Variants in CDC42SE1 observed in about 807,000 individuals in gnomAD.
CDC42SE1 encodes CDC42 small effector protein 1.
In CDC42SE1, 10 loss-of-function variants were observed where a neutral mutation model predicts 10.9. The observed-to-expected ratio is 0.92, with a 90% confidence interval of 0.57 to 1.56. CDC42SE1 has a LOEUF of 1.56. CDC42SE1 is among the 40% of genes most tolerant of loss of function. The probability of loss-of-function intolerance (pLI) is 0.00; values close to 1 mark genes in which losing one functional copy is unlikely to be tolerated. For synonymous variants in CDC42SE1, 24 were observed against 32.0 expected, an observed-to-expected ratio of 0.75 and a Z score of 0.85; for missense variants, 81 against 100.8, an observed-to-expected ratio of 0.80 and a Z score of 0.84.
rs1375213035 is a variant in CDC42SE1, at chr1:151,052,571, A to T, written c.*773T>A. On this transcript the variant is annotated 3_prime_UTR_variant, in exon 5 of 5. Transcript: ENST00000357235. ...ATGGAATGTCATCAGGTGAAGAGCT[A>T]CCTCTTACCTTAACTCTTATTCGGT... 1 of 152,622 alleles carries T rather than the reference A, an allele frequency of 6.6e-6. No homozygotes were observed. The highest frequency in any genetic ancestry group is 2.1e-4 in the South Asian group (1 of 4,834). The allele number at this position is 152,622 out of a possible 1,614,324, so 9.5% of individuals were successfully genotyped here.
At position 151,055,855 on chromosome 1, in the gene CDC42SE1, T is replaced by C; in HGVS notation, c.-125A>G. 1 of 786,720 alleles carries C rather than the reference T, an allele frequency of 1.3e-6. No homozygotes were observed. 48.7% of individuals were successfully genotyped at this position (786,720 alleles called of 1,614,324 possible). On this transcript the variant is annotated 5_prime_UTR_variant, in exon 2 of 5. Transcript: ENST00000357235. ...ACCACCCTGGGTTCACTCAGCTGGA[T>C]GGGTCCAGACAAAGTGGAATCCCTG...
chr1:151,054,110 C>T, intron 4 of CDC42SE1, 121 bp downstream of exon 4: 2 of 715,122 alleles, frequency 2.8e-6, no homozygotes, highest in Non-Finnish European at 4.9e-6. Flanking sequence ...GGATTACAGG[C>T]ATAAGCCACC....
intron 4 of CDC42SE1, among the ~76,000 whole-genome samples, 192 bp from the exon 5 acceptor site, chr1:151,053,519 T>C (rs1197056794): frequency 6.6e-6 from 1 of 152,144 alleles, no homozygotes; most frequent in Non-Finnish European, 1.5e-5. Context: ...TCTCACTCTG[T>C]TGCCCAGGCT....
At chr1:151,058,739 A>T in intron 1 of CDC42SE1, 1 of 151,132 alleles carries the variant, frequency 6.6e-6, no homozygotes, top group East Asian at 1.9e-4. Context: ...AAGGGATGGG[A>T]AAGAGGTGCC....
intron 2 of CDC42SE1, chr1:151,055,357 G>C: frequency 1.7e-6 from 1 of 588,544 alleles, no homozygotes; most frequent in Non-Finnish European, 3.0e-6. Context: ...GTGAACACTG[G>C]ACAAAGAAAG....
intron 1 of CDC42SE1, among the ~76,000 whole-genome samples, chr1:151,056,274 A>G (rs1676276365): frequency 6.6e-6 from 1 of 152,148 alleles, no homozygotes; most frequent in South Asian, 2.1e-4. Context: ...GCGAGGACCA[A>G]AGGATAGTGG....
At chr1:151,056,033 T>C (rs1676271473) in intron 1 of CDC42SE1, 40 bp from the exon 2 acceptor site, 2 of 427,760 alleles carry the variant, frequency 4.7e-6, no homozygotes, top group Non-Finnish European at 8.6e-6. Context: ...CAGTGAGAAA[T>C]CTCCCCCTCC....
At chr1:151,054,541 A>G (rs1676244173) in intron 3 of CDC42SE1, among the ~76,000 whole-genome samples, 2 of 152,144 alleles carry the variant, frequency 1.3e-5, no homozygotes, top group African/African-American at 2.4e-5. Flanking sequence ...TTCCCTCACA[A>G]TGGATTCTCC....
Position 151,052,984 on chromosome 1 carries a change from T to G in CDC42SE1, c.*360A>C, listed in dbSNP as rs1276767355. ...CTACCCCATTTAAGGAGTTCCAGGT[T>G]TAAGAGTTTAAAAACAGGTGGCACC... On this transcript the variant is annotated 3_prime_UTR_variant, in exon 5 of 5. Coordinates refer to ENST00000357235, the MANE Select transcript of CDC42SE1 (RefSeq NM_020239.4). 1.3e-5 allele frequency: 2 copies of G among 152,388 alleles called. No homozygotes were observed. Among genetic ancestry groups the G allele is most frequent in the African/African-American group, 2.4e-5 (1 of 41,440 alleles). The allele number at this position is 152,388 out of a possible 1,614,324, so 9.4% of individuals were successfully genotyped here. A position where few individuals can be genotyped will look rare whatever the true frequency, so the allele number is the denominator to read the frequency against.
chr1:151,056,808 A>G (rs949132479), intron 1 of CDC42SE1: 1 of 152,288 alleles, frequency 6.6e-6, no homozygotes, highest in Non-Finnish European at 1.5e-5. Context: ...TTGTGGGTAC[A>G]TGTGCCAGGT....
rs113707185 is a variant in CDC42SE1, at chr1:151,053,118, TC to T, written c.*225del. On this transcript the variant is annotated 3_prime_UTR_variant, in exon 5 of 5. Coordinates refer to ENST00000357235, the MANE Select transcript of CDC42SE1 (RefSeq NM_020239.4). ...CTGAGCTCCTCTGGCTAACCAGTAG[TC>T]ACTTGATCAGTCCTGCTGCCTTGAC... The T allele has an allele frequency of 0.019, 2,895 of 152,736 alleles. 77 individuals carry two copies. The highest frequency in any genetic ancestry group is 0.066 in the African/African-American group (2,721 of 41,500). 9.5% of individuals were successfully genotyped at this position (152,736 alleles called of 1,614,324 possible).
In CDC42SE1 at chr1:151,057,163, G is replaced by C. The variant is rs1488936400; in HGVS notation, c.-263-1170C>G. ...TTTCATAAATATGACACTTTAACAT[G>C]AACAGGAATCTCCCTTTCTTGCAGG... On this transcript the variant is annotated intron_variant, in intron 1 of 4. Transcript: ENST00000357235. This position sits in a 1 kb window ranked among gnomAD's most constrained non-coding sequence, Gnocchi z 4.0. Among the ~76,000 whole-genome samples the C allele has an allele frequency of 1.3e-5, 2 of 152,160 alleles. No individual in the cohort carries two copies. The highest frequency in any genetic ancestry group is 2.9e-5 in the Non-Finnish European group (2 of 68,026).
In CDC42SE1 at chr1:151,054,920, T is replaced by C. The variant is rs1349259046; in HGVS notation, c.165+96A>G. The stretch of plus-strand genomic sequence containing the variant: ...AGAATCCCAGGTTTTTACTTCCCCA[T>C]TGAGTATTTTCATATGTCCCTAGCT... On this transcript the variant is annotated intron_variant, in intron 3 of 4. Coordinates refer to ENST00000357235, the MANE Select transcript of CDC42SE1 (RefSeq NM_020239.4). 13 of 888,524 alleles carry C rather than the reference T, an allele frequency of 1.5e-5. 1 individual carries two copies. In the Admixed American group the frequency reaches 1.7e-4, roughly 11 times the overall value. The allele number at this position is 888,524 out of a possible 1,614,324, so 55.0% of individuals were successfully genotyped here.
chr1:151,054,867 C>CG, intron 3 of CDC42SE1, 149 bp downstream of exon 3: 1 of 612,308 alleles, frequency 1.6e-6, no homozygotes, highest in African/African-American at 1.8e-5. Context: ...TGCCAGGTCT[C>CG]GGGTTTCCAC....
intron 2 of CDC42SE1, 148 bp downstream of exon 2, chr1:151,055,529 A>T: frequency 1.4e-6 from 1 of 705,348 alleles, no homozygotes; most frequent in South Asian, 1.6e-5. Flanking sequence ...TGTTCCACAT[A>T]TACAGCTGCC....
In CDC42SE1 at chr1:151,057,726, CACACACACACACAG is replaced by C. The variant is rs1369152423; in HGVS notation, c.-264+1739_-263-1734del. 1 of 143,508 alleles carries C rather than the reference CACACACACACACAG, an allele frequency of 7.0e-6. No homozygotes were observed. Among genetic ancestry groups the C allele is most frequent in the African/African-American group, 2.6e-5 (1 of 38,674 alleles). 8.9% of individuals were successfully genotyped at this position (143,508 alleles called of 1,614,324 possible). A position where few individuals can be genotyped will look rare whatever the true frequency, so the allele number is the denominator to read the frequency against. ...ACACACACACACACACACACACACACACACACACACACAGAGGTTTTTTTTTTTTTTAACAGCCT... is the reference window on the plus strand; with the variant it reads ...ACACACACACACACACACACACACACAGGTTTTTTTTTTTTTTAACAGCCT... On this transcript the variant is annotated intron_variant, in intron 1 of 4. Transcript: ENST00000357235. The surrounding 1 kb of genome is among the most constrained non-coding windows in gnomAD (Gnocchi z 4.0).
At position 151,051,734 on chromosome 1, in the gene CDC42SE1, C is replaced by G. The variant is rs1676186568; in HGVS notation, c.*1610G>C. ...CAGCCAGGGGGCAGTGGGACCTGGT[C>G]TTCAGACAAAACTCCCTGAGTCTAA... is the stretch of plus-strand genomic sequence containing the variant. On this transcript the variant is annotated 3_prime_UTR_variant, in exon 5 of 5. Transcript: ENST00000357235. 1.3e-5 allele frequency: 2 copies of G among 152,606 alleles called. No homozygotes were observed. The highest frequency in any genetic ancestry group is 1.3e-4 in the Admixed American group (2 of 15,268). The allele number at this position is 152,606 out of a possible 1,614,324, so 9.5% of individuals were successfully genotyped here.
rs987376377 is a variant in CDC42SE1 at position 151,057,508 on chromosome 1, C to T, written c.-263-1515G>A. 7.9e-5 allele frequency among the ~76,000 whole-genome samples: 12 copies of T among 151,594 alleles called. No homozygotes were observed. The highest frequency in any genetic ancestry group is 3.2e-3 in the Middle Eastern group (1 of 316). ...AGCCTGGGCAACAAGAGCGAAACTCCGCCTCAAAAAAAACACACACAAAAA... is the reference window on the plus strand; with the variant it reads ...AGCCTGGGCAACAAGAGCGAAACTCTGCCTCAAAAAAAACACACACAAAAA... On this transcript the variant is annotated intron_variant, in intron 1 of 4. Coordinates refer to ENST00000357235, the MANE Select transcript of CDC42SE1 (RefSeq NM_020239.4). The surrounding 1 kb of genome is among the most constrained non-coding windows in gnomAD (Gnocchi z 4.0).
intron 3 of CDC42SE1, among the ~76,000 whole-genome samples, chr1:151,054,692 T>C (rs1329166424): frequency 6.6e-6 from 1 of 152,212 alleles, no homozygotes; most frequent in Non-Finnish European, 1.5e-5. Context: ...CCTAAATATA[T>C]GATTTACTGT....
Sources: gnomAD v4.1 joint callset for allele counts (sites outside exome capture counted in the v4.1 genomes callset) on GRCh38, gnomAD v4.1.1 for gene constraint, Gnocchi (gnomAD v3.1) non-coding constraint, MANE v1.5 for transcripts, NCBI Gene and HGNC (gene_info 2026-07-23, HGNC 2026-07-21) for gene names.